L3MBTL1: variants seen among roughly 807,000 people sequenced by gnomAD.
L3MBTL1 encodes L3MBTL histone methyl-lysine binding protein 1.
In L3MBTL1, 75 loss-of-function variants were observed where a neutral mutation model predicts 105.3. The observed-to-expected ratio is 0.71, with a 90% CI of 0.59 to 0.86. The LOEUF is 0.86. Ranked by LOEUF, L3MBTL1 falls within the 40% of genes least tolerant of loss-of-function variation. The probability of loss-of-function intolerance (pLI) is 0.00; values close to 1 mark genes in which losing one functional copy is unlikely to be tolerated. For synonymous variants in L3MBTL1, 452 were observed against 436.2 expected (o/e 1.04, Z -0.45); for missense variants, 1,069 against 1,126.4 (o/e 0.95, Z 0.73).
intron 18 of L3MBTL1, among the ~76,000 whole-genome samples, chr20:43,547,340 A>G (rs909631763): frequency 4.6e-5 from 7 of 151,832 alleles, no homozygotes; most frequent in Non-Finnish European, 8.8e-5. Context: ...TCCTGACCTC[A>G]TGATCCGCCC....
rs1329544459 is a variant in L3MBTL1 at position 43,513,857 on chromosome 20, C to T, written c.156C>T (p.Gly52=). The part of the protein sequence containing the change: ...FIIPASSATL[G]LPSSALDVSC... ...TTACAGCCAGTTCGGCCACCCTCGG[C>T]CTGCCCAGCAGTGCCCTGGATGTGT... Residue 52 remains glycine, a synonymous_variant, in exon 3 of 22, where the codon GGC becomes GGT. Transcript: ENST00000418998. 5.2e-6 allele frequency: 8 copies of T among 1,550,546 alleles called. No homozygotes were observed. In the Admixed American group the frequency reaches 7.8e-5, roughly 15 times the overall value.
intron 1 of L3MBTL1, among the ~76,000 whole-genome samples, chr20:43,512,857 G>C (rs2018171654): frequency 6.6e-6 from 1 of 152,246 alleles, no homozygotes; most frequent in African/African-American, 2.4e-5. Context: ...TGACTTGACT[G>C]CGTCTTCGTA....
At chr20:43,540,702 T>C (rs2019868730) in intron 20 of L3MBTL1, 51 bp from the exon 21 acceptor site, 1 of 1,577,542 alleles carries the variant, frequency 6.3e-7, no homozygotes, top group Non-Finnish European at 8.7e-7. Context: ...CAGCTCTCCC[T>C]ACATGCCTAA....
chr20:43,518,765 T>G (rs528936024), intron 7 of L3MBTL1, among the ~76,000 whole-genome samples: 1 of 147,808 alleles, frequency 6.8e-6, no homozygotes, highest in Admixed American at 7.0e-5. Context: ...TCCTAGCACT[T>G]TGGGAGGCCG....
intron 1 of L3MBTL1, among the ~76,000 whole-genome samples, chr20:43,508,388 A>G (rs911759711): frequency 3.3e-5 from 5 of 152,048 alleles, no homozygotes; most frequent in Admixed American, 6.5e-5. Context: ...TCCCCTCCCG[A>G]GTCCGGGAAG....
chr20:43,526,768 T>C (rs979592426), intron 7 of L3MBTL1, among the ~76,000 whole-genome samples: 5 of 152,164 alleles, frequency 3.3e-5, no homozygotes, highest in Non-Finnish European at 7.4e-5. Context: ...CTGGCCAACA[T>C]GGTGAAACCC....
At chr20:43,530,167 G>T in intron 9 of L3MBTL1, 117 bp from the exon 10 acceptor site, 1 of 1,285,900 alleles carries the variant, frequency 7.8e-7, no homozygotes, top group Non-Finnish European at 1.1e-6. Context: ...GGTGGGGTTG[G>T]GGAACCTGCT....
In L3MBTL1 at chr20:43,531,146, C is replaced by T. The variant is rs1307471970; in HGVS notation, c.1284+257C>T. The T allele has an allele frequency of 8.0e-6, 4 of 502,756 alleles. No individual in the cohort carries two copies. The East Asian group carries it at 1.4e-4, about 17-fold the overall frequency. The allele number at this position is 502,756 out of a possible 1,614,324, so 31.1% of individuals were successfully genotyped here. A position where few individuals can be genotyped will look rare whatever the true frequency, so the allele number is the denominator to read the frequency against. On this transcript the variant is annotated intron_variant, in intron 11 of 21. Transcript: ENST00000418998. ...CCTGTCCTCACATCCCCTTGGAGCC[C>T]CTGGCCCACTACCCTAGTCTGAGCA... is the stretch of plus-strand genomic sequence containing the variant.
intron 19 of L3MBTL1, 30 bp downstream of exon 19, chr20:43,536,488 T>A: frequency 6.2e-7 from 1 of 1,611,236 alleles, no homozygotes; most frequent in Admixed American, 1.7e-5. Context: ...TCCTATGTCC[T>A]CCACCACAGA....
chr20:43,523,967 C>G (rs1442179940), intron 7 of L3MBTL1, among the ~76,000 whole-genome samples: 1 of 149,364 alleles, frequency 6.7e-6, no homozygotes, highest in African/African-American at 2.5e-5. Flanking sequence ...TGCACTCCAA[C>G]CTGGGTGACA....
At chr20:43,511,504 G>A (rs758112927) in intron 1 of L3MBTL1, among the ~76,000 whole-genome samples, 8 of 152,256 alleles carry the variant, frequency 5.3e-5, no homozygotes, top group South Asian at 2.1e-4. Flanking sequence ...TGGTCAGGCC[G>A]GACTCGATGG....
chr20:43,514,382 CTG>C (rs2018245813), intron 3 of L3MBTL1: 1 of 1,400,752 alleles, frequency 7.1e-7, no homozygotes, highest in Non-Finnish European at 9.4e-7. Flanking sequence ...TACCGTGGGA[CTG>C]GGCCTGTGGG....
At chr20:43,523,425 A>T (rs1568921761) in intron 7 of L3MBTL1, 1 of 220,998 alleles carries the variant, frequency 4.5e-6, no homozygotes, top group Non-Finnish European at 9.7e-6. Flanking sequence ...CTGAGAGCTG[A>T]TAAGCACCCA....
downstream of L3MBTL1, among the ~76,000 whole-genome samples, chr20:43,542,083 A>G (rs1477821461): frequency 5.9e-5 from 9 of 152,218 alleles, no homozygotes; most frequent in Non-Finnish European, 4.4e-5. Flanking sequence ...GGTGGCATGC[A>G]CCTGTAGTCC....
intron 7 of L3MBTL1, chr20:43,523,145 A>G (rs1361651737): frequency 2.6e-5 from 4 of 152,180 alleles, no homozygotes; most frequent in Non-Finnish European, 5.9e-5. Flanking sequence ...AAAATGTCAG[A>G]ATATGCAAAA....
intron 19 of L3MBTL1, chr20:43,539,905 G>C: frequency 1.7e-6 from 1 of 586,680 alleles, no homozygotes; most frequent in African/African-American, 1.8e-5. Flanking sequence ...TCAGAGAGAC[G>C]GGGTGAGGGT....
Position 43,513,983 on chromosome 20 carries a change from G to C in L3MBTL1, c.282G>C (p.Pro94=), listed in dbSNP as rs1423136581. The C allele has an allele frequency of 9.7e-6, 15 of 1,545,718 alleles. No individual in the cohort carries two copies. In the Admixed American group the frequency reaches 1.6e-4, roughly 16 times the overall value. ...TCCTGCCGCAGCTTAGCGCCGGGCC[G>C]GCCAGCTCCAGCACCAGCACAGTGC... ...ATVLPQLSAG[P]ASSSTSTVRL... is the part of the protein sequence containing the mutation. The change falls in exon 3 of 22, where the codon CCG becomes CCC. Residue 94 remains proline (P), a synonymous_variant. Transcript: ENST00000418998.
chr20:43,536,295 G>A lies in L3MBTL1; in HGVS notation c.2123+1G>A. On this transcript the variant is annotated splice_donor_variant, in intron 18 of 21. Transcript: ENST00000418998. LOFTEE classifies it high-confidence loss of function. ...GGAAGAAGCCTCGCCATCACGGCCG[G>A]TATGGAGGCCAGGGAATCAGGGCCC... 4 of 1,612,758 alleles carry A rather than the reference G, an allele frequency of 2.5e-6. No homozygotes were observed. Among genetic ancestry groups the A allele is most frequent in the Non-Finnish European group, 3.4e-6 (4 of 1,179,494 alleles).
chr20:43,544,246 A>G (rs1260200540), downstream of L3MBTL1, among the ~76,000 whole-genome samples: 1 of 152,238 alleles, frequency 6.6e-6, no homozygotes, highest in Admixed American at 6.5e-5. Context: ...GAAAGTGCCA[A>G]TTAAATCTTA....
Sources: gnomAD v4.1 joint callset for allele counts (sites outside exome capture counted in the v4.1 genomes callset) on GRCh38, gnomAD v4.1.1 for gene constraint, MANE v1.5 for transcripts, NCBI Gene and HGNC (gene_info 2026-07-23, HGNC 2026-07-21) for gene names.